The following ANKRD65 variants were observed in gnomAD, a reference collection of about 807,000 sequenced individuals.
The protein encoded by ANKRD65 is ankyrin repeat domain 65.
ANKRD65 carries 26 observed loss-of-function variants against 17.2 expected under a neutral mutation model. That is an observed-to-expected ratio of 1.51 (90% confidence interval 1.11 to 2.09). The LOEUF (loss-of-function observed/expected upper bound fraction) is 2.09, where lower values mean the gene tolerates loss of function less well. Among genes scored for constraint, ANKRD65 ranks in the 30% most tolerant of loss-of-function variants. The pLI, the probability that ANKRD65 is intolerant of heterozygous loss-of-function variation, is 0.00. For synonymous variants in ANKRD65, 311 were observed against 272.2 expected, an observed-to-expected ratio of 1.14 and a Z score of -1.40; for missense variants, 621 against 542.2, an observed-to-expected ratio of 1.15 and a Z score of -1.44.
chr1:1,420,203 C>T lies in ANKRD65; in HGVS notation c.599G>A (p.Gly200Asp). 1 of 996,712 alleles carries T rather than the reference C, an allele frequency of 1.0e-6. No individual in the cohort carries two copies. The highest frequency in any genetic ancestry group is 1.1e-4 in the East Asian group (1 of 9,268). The allele number at this position is 996,712 out of a possible 1,614,324, so 61.7% of individuals were successfully genotyped here. ...LAVLELLAAG[G>D]AGLDGALLVA... ...GAGCAGGGCGCCGTCCAGGCCCGCG[C>T]CGCCGGCCGCCAGCAGCTCCAGCAC... The change falls in exon 3 of 4, where the codon GGC becomes GAC. Residue 200 changes from glycine (G) to aspartate (D), a missense_variant. By Grantham distance (94) the Gly-to-Asp change is moderately conservative (BLOSUM62 -1). Coordinates refer to ENST00000537107, the MANE Select transcript of ANKRD65 (RefSeq NM_001145210.3).
rs1253513709 is a variant in ANKRD65, at chr1:1,420,164, G to A, written c.638C>T (p.Ala213Val). ...LDGALLVAAA[A>V]GRGAALRFLL... is the part of the protein sequence containing the mutation. ...GAAGCGCAGCGCCGCCCCGCGCCCC[G>A]CAGCGGCAGCCACGAGCAGGGCGCC... The change falls in exon 3 of 4, where the codon GCG (alanine) becomes GTG (valine). Residue 213 changes from alanine to valine, a missense_variant. Transcript: ENST00000537107. 1.8e-6 allele frequency: 2 copies of A among 1,132,592 alleles called. No homozygotes were observed. The highest frequency in any genetic ancestry group is 2.2e-6 in the Non-Finnish European group (2 of 926,614). The allele number at this position is 1,132,592 out of a possible 1,614,324, so 70.2% of individuals were successfully genotyped here. A position where few individuals can be genotyped will look rare whatever the true frequency, so the allele number is the denominator to read the frequency against.
In ANKRD65 at chr1:1,419,326, C is replaced by T. The variant is rs1645500736; in HGVS notation, c.974G>A (p.Gly325Asp). The T allele has an allele frequency of 6.5e-7, 1 of 1,550,376 alleles. No individual in the cohort carries two copies. Among genetic ancestry groups the T allele is most frequent in the Middle Eastern group, 1.7e-4 (1 of 5,992 alleles). ...VEVAGCLLDR[G>D]AQVDATGWLR... is the part of the protein sequence containing the mutation. ...CCAGCCGGTAGCATCCACCTGGGCA[C>T]CCCTGTCCAGCAGGCAGCCGGCAAC... Residue 325 changes from glycine to aspartate, a missense_variant, in exon 4 of 4, where the codon GGT becomes GAT. Physicochemically the swap from Gly to Asp is moderately conservative, Grantham distance 94. Coordinates refer to ENST00000537107, the MANE Select transcript of ANKRD65 (RefSeq NM_001145210.3).
In ANKRD65 at chr1:1,420,298, C is replaced by T; in HGVS notation, c.504G>A (p.Ala168=). 3 of 1,054,630 alleles carry T rather than the reference C, an allele frequency of 2.8e-6. No homozygotes were observed. Among genetic ancestry groups the T allele is most frequent in the Non-Finnish European group, 3.4e-6 (3 of 878,232 alleles). The allele number at this position is 1,054,630 out of a possible 1,614,324, so 65.3% of individuals were successfully genotyped here. A position where few individuals can be genotyped will look rare whatever the true frequency, so the allele number is the denominator to read the frequency against. ...RLLEAPGPGP[A]AAEAEDARGW... is the part of the protein sequence containing the mutation. ...CGCGCGCGTCCTCCGCCTCCGCTGCCGCGGGTCCCGGGCCCGGAGCCTCCA... is the reference window on the plus strand; with the variant it reads ...CGCGCGCGTCCTCCGCCTCCGCTGCTGCGGGTCCCGGGCCCGGAGCCTCCA... Residue 168 remains alanine, a synonymous_variant, in exon 3 of 4, where the codon GCG becomes GCA. Transcript: ENST00000537107.
intron 3 of ANKRD65, 73 bp downstream of exon 3, chr1:1,419,979 C>T (rs928195925): frequency 2.5e-6 from 3 of 1,204,244 alleles, no homozygotes; most frequent in Non-Finnish European, 1.0e-6. Flanking sequence ...CTCCAGCTGC[C>T]CCGGTGGCAC....
chr1:1,420,740 A>G (rs917814392), intron 2 of ANKRD65, 57 bp downstream of exon 2: 9 of 1,251,610 alleles, frequency 7.2e-6, no homozygotes, highest in Admixed American at 2.6e-5. Context: ...CAGTGCTGGG[A>G]CCCCCATCCT....
chr1:1,419,812 C>T (rs1488555886), intron 3 of ANKRD65, among the ~76,000 whole-genome samples: 1 of 152,214 alleles, frequency 6.6e-6, no homozygotes, highest in African/African-American at 2.4e-5. Flanking sequence ...CAGGCACAGG[C>T]CCGGCGCTGG....
rs1645490541 is a variant in ANKRD65, at chr1:1,418,914, C to G, written c.*186G>C. 1.6e-6 allele frequency: 1 copy of G among 626,916 alleles called. No homozygotes were observed. The highest frequency in any genetic ancestry group is 2.7e-6 in the Non-Finnish European group (1 of 375,766). 38.8% of individuals were successfully genotyped at this position (626,916 alleles called of 1,614,324 possible). ...GCTGGAGCTGCAGGGTCAGTGGGCC[C>G]TCCTGGGAGCTGGGGGCCATCCCTG... is the stretch of plus-strand genomic sequence containing the variant. On this transcript the variant is annotated 3_prime_UTR_variant, in exon 4 of 4. Transcript: ENST00000537107.
rs1427334395 is a variant in ANKRD65 at position 1,419,164 on chromosome 1, G to A, written c.1136C>T (p.Pro379Leu). 13 of 1,544,178 alleles carry A rather than the reference G, an allele frequency of 8.4e-6. No homozygotes were observed. The highest frequency in any genetic ancestry group is 1.4e-5 in the African/African-American group (1 of 73,062). ...CCCTCCAAGTTCAGGCAGCGCCTGGGGCAGGTCCCCCTCAGGCATCTGGGC... is the reference window on the plus strand; with the variant it reads ...CCCTCCAAGTTCAGGCAGCGCCTGGAGCAGGTCCCCCTCAGGCATCTGGGC... ...EVAQMPEGDLPQALPELGGGE... is the reference protein window; with the variant it reads ...EVAQMPEGDLLQALPELGGGE... Residue 379 changes from proline (P) to leucine (L), a missense_variant, in exon 4 of 4, where the codon CCC becomes CTC. Pro to Leu is a moderately conservative substitution (Grantham distance 98). Coordinates refer to ENST00000537107, the MANE Select transcript of ANKRD65 (RefSeq NM_001145210.3).
chr1:1,420,692 G>A lies in ANKRD65; in HGVS notation c.210-100C>T, dbSNP rs1166456178. 15 of 634,500 alleles carry A rather than the reference G, an allele frequency of 2.4e-5. No individual in the cohort carries two copies. The East Asian group carries it at 5.4e-4, about 23-fold the overall frequency. 39.3% of individuals were successfully genotyped at this position (634,500 alleles called of 1,614,324 possible). A position where few individuals can be genotyped will look rare whatever the true frequency, so the allele number is the denominator to read the frequency against. Reference sequence around the variant, plus strand: ...CCGCCCACCCAGCGCTGGGACCCCCGTCCTACCCCATCCAGAGAAGGGACT... The same window carrying A: ...CCGCCCACCCAGCGCTGGGACCCCCATCCTACCCCATCCAGAGAAGGGACT... On this transcript the variant is annotated intron_variant, in intron 2 of 3. Coordinates refer to ENST00000537107, the MANE Select transcript of ANKRD65 (RefSeq NM_001145210.3).
In ANKRD65 at chr1:1,419,679, T is replaced by C. The variant is rs956699312; in HGVS notation, c.751-130A>G. 10 of 897,174 alleles carry C rather than the reference T, an allele frequency of 1.1e-5. No individual in the cohort carries two copies. The African/African-American group carries it at 1.7e-4, about 15-fold the overall frequency. The allele number at this position is 897,174 out of a possible 1,614,324, so 55.6% of individuals were successfully genotyped here. On this transcript the variant is annotated intron_variant, in intron 3 of 3. Coordinates refer to ENST00000537107, the MANE Select transcript of ANKRD65 (RefSeq NM_001145210.3). Reference sequence around the variant, plus strand: ...TGTCTCTCCTGACACCACTTCCTCATGTTGTGAGGCCGAACCCAAGGCTGG... The same window carrying C: ...TGTCTCTCCTGACACCACTTCCTCACGTTGTGAGGCCGAACCCAAGGCTGG...
Position 1,419,387 on chromosome 1 carries a change from G to A in ANKRD65, c.913C>T (p.Pro305Ser), listed in dbSNP as rs749981272. 6.5e-6 allele frequency: 10 copies of A among 1,550,120 alleles called. No individual in the cohort carries two copies. The South Asian group carries it at 9.5e-5, about 15-fold the overall frequency. Residue 305 changes from proline to serine, a missense_variant, in exon 4 of 4, where the codon CCC becomes TCC. By Grantham distance (74) the Pro-to-Ser change is moderately conservative. Transcript: ENST00000537107. The part of the protein sequence containing the change: ...VDARDTLGLT[P>S]LHHASREGHV... The stretch of plus-strand genomic sequence containing the variant: ...CCTTCCCGAGAGGCGTGATGCAGGG[G>A]TGTGAGGCCCAGGGTGTCCCGCGCA...
Position 1,419,106 on chromosome 1 carries a change from C to G in ANKRD65, c.1194G>C (p.Thr398=). The G allele has an allele frequency of 6.7e-7, 1 of 1,501,102 alleles. No individual in the cohort carries two copies. Among genetic ancestry groups the G allele is most frequent in the South Asian group, 1.3e-5 (1 of 76,572 alleles). The allele number at this position is 1,501,102 out of a possible 1,614,324, so 93.0% of individuals were successfully genotyped here. ...GEKECEGIES[T]G Reference sequence around the variant, plus strand: ...CTGGAGCCTGCTGTCTGGCTCAGCCCGTGGACTCTATGCCCTCACACTCCT... The same window carrying G: ...CTGGAGCCTGCTGTCTGGCTCAGCCGGTGGACTCTATGCCCTCACACTCCT... The change falls in exon 4 of 4, where the codon ACG becomes ACC. Residue 398 remains threonine, a synonymous_variant. Transcript: ENST00000537107.
In ANKRD65 at chr1:1,420,129, G is replaced by T. The variant is rs540552360; in HGVS notation, c.673C>A (p.Arg225Ser). 23 of 1,244,602 alleles carry T rather than the reference G, an allele frequency of 1.8e-5. No individual in the cohort carries two copies. The highest frequency in any genetic ancestry group is 3.2e-4 in the Middle Eastern group (1 of 3,106). The allele number at this position is 1,244,602 out of a possible 1,614,324, so 77.1% of individuals were successfully genotyped here. ...RGAALRFLLA[R>S]GARVDARDGA... The stretch of plus-strand genomic sequence containing the variant: ...TCCCGGGCGTCCACCCGCGCCCCGC[G>T]CGCCAGGAGGAAGCGCAGCGCCGCC... Residue 225 changes from arginine to serine, a missense_variant, in exon 3 of 4, where the codon CGC becomes AGC. Physicochemically the swap from Arg to Ser is moderately radical, Grantham distance 110 (BLOSUM62 -1). Transcript: ENST00000537107.
In ANKRD65 at chr1:1,418,850, T is replaced by G; in HGVS notation, c.*250A>C. 6.4e-6 allele frequency: 3 copies of G among 469,042 alleles called. No homozygotes were observed. The highest frequency in any genetic ancestry group is 1.1e-5 in the Non-Finnish European group (3 of 263,666). The allele number at this position is 469,042 out of a possible 1,614,324, so 29.1% of individuals were successfully genotyped here. A position where few individuals can be genotyped will look rare whatever the true frequency, so the allele number is the denominator to read the frequency against. ...ACACTATGAGAGGGTCTCTCTTCCC[T>G]CATTGCCACAACTCATTCTTTGTTG... On this transcript the variant is annotated 3_prime_UTR_variant, in exon 4 of 4. Transcript: ENST00000537107.
intron 3 of ANKRD65, 28 bp from the exon 4 acceptor site, chr1:1,419,577 G>C: frequency 6.7e-7 from 1 of 1,495,630 alleles, no homozygotes; most frequent in Non-Finnish European, 8.9e-7. Context: ...AGCAGGGGCC[G>C]GCCTCAGCCC....
In ANKRD65 at chr1:1,419,118, G is replaced by T; in HGVS notation, c.1182C>A (p.Gly394=). The T allele has an allele frequency of 1.3e-6, 2 of 1,516,746 alleles. No homozygotes were observed. The highest frequency in any genetic ancestry group is 8.9e-7 in the Non-Finnish European group (1 of 1,125,902). 94.0% of individuals were successfully genotyped at this position (1,516,746 alleles called of 1,614,324 possible). A position where few individuals can be genotyped will look rare whatever the true frequency, so the allele number is the denominator to read the frequency against. The part of the protein sequence containing the change: ...ELGGGEKECE[G]IESTG ...GTCTGGCTCAGCCCGTGGACTCTAT[G>T]CCCTCACACTCCTTCTCCCCCCCTC... The change falls in exon 4 of 4, where the codon GGC becomes GGA. Residue 394 remains glycine (G), a synonymous_variant. Coordinates refer to ENST00000537107, the MANE Select transcript of ANKRD65 (RefSeq NM_001145210.3).
Position 1,419,357 on chromosome 1 carries a change from C to A in ANKRD65, c.943G>T (p.Val315Leu), listed in dbSNP as rs1645501528. Residue 315 changes from valine (V) to leucine (L), a missense_variant, in exon 4 of 4, where the codon GTG (valine) becomes TTG (leucine). By Grantham distance (32) the Val-to-Leu change is conservative. Transcript: ENST00000537107. ...TCCAGCAGGCAGCCGGCAACCTCCA[C>A]GTGGCCTTCCCGAGAGGCGTGATGC... ...PLHHASREGH[V>L]EVAGCLLDRG... 1 of 1,550,290 alleles carries A rather than the reference C, an allele frequency of 6.5e-7. No individual in the cohort carries two copies. The highest frequency in any genetic ancestry group is 8.7e-7 in the Non-Finnish European group (1 of 1,146,842).
chr1:1,419,136 C>T lies in ANKRD65; in HGVS notation c.1164G>A (p.Gly388=). 1 of 1,531,898 alleles carries T rather than the reference C, an allele frequency of 6.5e-7. No homozygotes were observed. 94.9% of individuals were successfully genotyped at this position (1,531,898 alleles called of 1,614,324 possible). The part of the protein sequence containing the change: ...LPQALPELGG[G]EKECEGIEST... ...ACTCTATGCCCTCACACTCCTTCTC[C>T]CCCCCTCCAAGTTCAGGCAGCGCCT... Residue 388 remains glycine, a synonymous_variant, in exon 4 of 4, where the codon GGG becomes GGA. Coordinates refer to ENST00000537107, the MANE Select transcript of ANKRD65 (RefSeq NM_001145210.3).
chr1:1,419,631 C>A, intron 3 of ANKRD65, 82 bp from the exon 4 acceptor site: 1 of 1,292,394 alleles, frequency 7.7e-7, no homozygotes, highest in Non-Finnish European at 1.0e-6. Context: ...CCAGCCCAGG[C>A]CTCTTCTGTC....
Sources: allele counts gnomAD v4.1 joint callset (sites outside exome capture counted in the v4.1 genomes callset), GRCh38; gene constraint gnomAD v4.1.1; transcripts MANE v1.5; gene names NCBI Gene and HGNC (gene_info 2026-07-23, HGNC 2026-07-21).